The following SDK1 variants were observed in gnomAD, a reference collection of about 807,000 sequenced individuals.
SDK1 encodes sidekick cell adhesion molecule 1.
Under a neutral mutation model 245.5 loss-of-function variants are expected in SDK1, and 157 were observed. The ratio of observed to expected loss-of-function variants is 0.64; its 90% confidence interval spans 0.56 to 0.73. The LOEUF (loss-of-function observed/expected upper bound fraction) is 0.73. SDK1 is among the 30% of genes least tolerant of loss of function. SDK1 has a pLI of 0.00. For synonymous variants in SDK1, 1,647 were observed against 1,278.5 expected (o/e 1.29, Z -6.15); for missense variants, 3,583 against 3,002.3 (o/e 1.19, Z -4.52).
chr7:3,795,334 G>A (rs188307968), intron 4 of SDK1, among the ~76,000 whole-genome samples: 1 of 152,220 alleles, frequency 6.6e-6, no homozygotes, highest in East Asian at 1.9e-4. Context: ...CAGGCCCCAC[G>A]AGACTTGGCT....
intron 4 of SDK1, among the ~76,000 whole-genome samples, chr7:3,723,855 C>CATATACACGTGT (rs1399436315): frequency 7.1e-6 from 1 of 140,592 alleles, no homozygotes. Context: ...CGTACATATA[C>CATATACACGTGT]ATATACACGT....
intron 35 of SDK1, among the ~76,000 whole-genome samples, chr7:4,203,046 G>T (rs1052121762): frequency 2.0e-5 from 3 of 152,224 alleles, no homozygotes; most frequent in Non-Finnish European, 4.4e-5. Flanking sequence ...GCACAGGGAG[G>T]TTGGGCGAGG....
chr7:4,196,553 C>G (rs945950347), intron 35 of SDK1, among the ~76,000 whole-genome samples: 11 of 152,192 alleles, frequency 7.2e-5, no homozygotes, highest in Admixed American at 2.0e-4. Context: ...CACGCCGTAA[C>G]TCTCCTCTCC....
rs112029306 is a variant in SDK1, at chr7:3,811,162, G to A, written c.714-10288G>A. Among the ~76,000 whole-genome samples the A allele has an allele frequency of 7.0e-3, 1,067 of 152,216 alleles. 13 individuals carry two copies. Among genetic ancestry groups the A allele is most frequent in the African/African-American group, 0.024 (997 of 41,536 alleles). ...AGCCAGCCTCATTCACCTCACTACCGATTTGCACTTCATCAGTGTCCTTTT... is the reference window on the plus strand; with the variant it reads ...AGCCAGCCTCATTCACCTCACTACCAATTTGCACTTCATCAGTGTCCTTTT... On this transcript the variant is annotated intron_variant, in intron 4 of 44. Transcript: ENST00000404826.
At chr7:3,689,136 G>A (rs1375231360) in intron 4 of SDK1, among the ~76,000 whole-genome samples, 1 of 152,188 alleles carries the variant, frequency 6.6e-6, no homozygotes, top group African/African-American at 2.4e-5. Context: ...CATATGGCCT[G>A]CAAACCCTAA....
At chr7:3,573,901 T>C (rs1007955436) in intron 1 of SDK1, among the ~76,000 whole-genome samples, 20 of 151,084 alleles carry the variant, frequency 1.3e-4, no homozygotes, top group African/African-American at 4.9e-4. Context: ...TTAAGCACTA[T>C]GTTTTGTGTC....
chr7:3,973,628 G>A (rs1004503228), intron 12 of SDK1, among the ~76,000 whole-genome samples: 14 of 151,434 alleles, frequency 9.2e-5, no homozygotes, highest in East Asian at 3.9e-4. Flanking sequence ...TTAAACAGTC[G>A]TTGCCTCCTG....
intron 5 of SDK1, among the ~76,000 whole-genome samples, chr7:3,866,090 G>A (rs549642608): frequency 6.6e-6 from 1 of 152,214 alleles, no homozygotes; most frequent in African/African-American, 2.4e-5. Flanking sequence ...TATTTTGTTA[G>A]TTGACTTTTT....
chr7:3,505,086 T>TA (rs1562527444), intron 1 of SDK1, among the ~76,000 whole-genome samples: 1 of 152,232 alleles, frequency 6.6e-6, no homozygotes, highest in African/African-American at 2.4e-5. Flanking sequence ...AAATTGTACT[T>TA]AAAAAATATA....
At chr7:3,472,432 T>G (rs1476204890) in intron 1 of SDK1, among the ~76,000 whole-genome samples, 1 of 152,114 alleles carries the variant, frequency 6.6e-6, no homozygotes, top group Non-Finnish European at 1.5e-5. Context: ...TACGATCTAA[T>G]TAGAGGGACA....
At chr7:3,509,651 A>G (rs1242082248) in intron 1 of SDK1, among the ~76,000 whole-genome samples, 1 of 151,992 alleles carries the variant, frequency 6.6e-6, no homozygotes, top group Non-Finnish European at 1.5e-5. Flanking sequence ...CTCTTCCTCA[A>G]CTGTGCTTAC....
At chr7:3,419,504 G>A (rs1473560200) in intron 1 of SDK1, among the ~76,000 whole-genome samples, 4 of 152,096 alleles carry the variant, frequency 2.6e-5, no homozygotes, top group South Asian at 4.2e-4. Flanking sequence ...CGGCAGGTCC[G>A]CAGGGGGTTG....
At chr7:3,849,621 A>G (rs573114469) in intron 5 of SDK1, among the ~76,000 whole-genome samples, 15 of 152,318 alleles carry the variant, frequency 9.8e-5, no homozygotes, top group African/African-American at 3.6e-4. Context: ...CCTTATTCTG[A>G]CTAGTGAATT....
chr7:3,528,609 C>G (rs1783233263), intron 1 of SDK1, among the ~76,000 whole-genome samples: 1 of 152,062 alleles, frequency 6.6e-6, no homozygotes. Flanking sequence ...GTAGGAGATT[C>G]TCATAACAAT....
intron 21 of SDK1, 119 bp downstream of exon 21, chr7:4,077,308 C>A (rs1562775325): frequency 2.1e-6 from 2 of 940,636 alleles, no homozygotes; most frequent in Non-Finnish European, 3.2e-6. Context: ...GGAGTAGTGG[C>A]CTCCTGCCAA....
At chr7:4,191,027 CT>C (rs1025519775) in intron 35 of SDK1, among the ~76,000 whole-genome samples, 6 of 152,202 alleles carry the variant, frequency 3.9e-5, no homozygotes, top group African/African-American at 1.4e-4. Flanking sequence ...TGGGGTGACC[CT>C]TGTGAAATGC....
intron 1 of SDK1, among the ~76,000 whole-genome samples, chr7:3,365,034 GTAT>G (rs1457103718): frequency 6.6e-6 from 1 of 152,164 alleles, no homozygotes; most frequent in African/African-American, 2.4e-5. Context: ...ATTGTAAGTA[GTAT>G]TGTATTTTAA....
At chr7:3,964,957 AATG>A (rs1781981866) in intron 9 of SDK1, among the ~76,000 whole-genome samples, 1 of 152,228 alleles carries the variant, frequency 6.6e-6, no homozygotes, top group Admixed American at 6.5e-5. Flanking sequence ...AATAATATGG[AATG>A]CTCAAGTCAG....
intron 1 of SDK1, among the ~76,000 whole-genome samples, chr7:3,422,625 A>C (rs547048548): frequency 9.9e-5 from 15 of 152,258 alleles, no homozygotes; most frequent in African/African-American, 3.4e-4. Context: ...AGACCCCATC[A>C]CACACACCCA....
Sources: gnomAD v4.1 joint callset for allele counts (sites outside exome capture counted in the v4.1 genomes callset) on GRCh38, gnomAD v4.1.1 for gene constraint, MANE v1.5 for transcripts, NCBI Gene and HGNC (gene_info 2026-07-23, HGNC 2026-07-21) for gene names.